The following COL4A6 variants were observed in gnomAD, a reference collection of about 807,000 sequenced individuals.
COL4A6 encodes collagen type IV alpha 6 chain, also known as collagen alpha-6(IV) chain.
A neutral mutation model predicts 126.7 loss-of-function variants in COL4A6; 59 were observed. The observed-to-expected ratio is 0.47, with a 90% confidence interval of 0.38 to 0.58. The LOEUF is 0.58. Ranked by LOEUF, COL4A6 falls within the 20% of genes least tolerant of loss-of-function variation. The probability of loss-of-function intolerance (pLI) is 0.00; values close to 1 mark genes in which losing one functional copy is unlikely to be tolerated. For synonymous variants in COL4A6, 547 were observed against 496.6 expected (o/e 1.10, Z -1.35); for missense variants, 1,285 against 1,337.3 (o/e 0.96, Z 0.61).
At chrX:108,387,246 G>A (rs901631991) in intron 2 of COL4A6, among the ~76,000 whole-genome samples, 16 of 111,911 alleles carry the variant, frequency 1.4e-4, no homozygotes, top group Non-Finnish European at 2.1e-4. Flanking sequence ...TTCCAATTCC[G>A]TGAAGAAAGT....
chrX:108,402,604 AT>A lies in COL4A6; in HGVS notation c.63+35337del, dbSNP rs1397904847. 2.7e-5 allele frequency among the ~76,000 whole-genome samples: 3 copies of A among 111,065 alleles called. No individual in the cohort carries two copies. In the Admixed American group the frequency reaches 2.9e-4, roughly 11 times the overall value. ...AATTTTTAGTCTTCATTTTCTTATT[AT>A]AAGAATTGAATAACATACATTTTTC... On this transcript the variant is annotated intron_variant, in intron 2 of 44. Coordinates refer to ENST00000334504, the MANE Select transcript of COL4A6 (RefSeq NM_033641.4).
rs190023848 is a variant in COL4A6, at chrX:108,403,622, G to A, written c.63+34320C>T. ...TGTTCAATTCTAGAAGTTCCATTTAGTTATTTTGCAGATTTCCCTAGTAAC... is the reference window on the plus strand; with the variant it reads ...TGTTCAATTCTAGAAGTTCCATTTAATTATTTTGCAGATTTCCCTAGTAAC... On this transcript the variant is annotated intron_variant, in intron 2 of 44. Transcript: ENST00000334504. 1.4e-3 allele frequency among the ~76,000 whole-genome samples: 154 copies of A among 110,905 alleles called. 1 individual carries two copies. In the East Asian group the frequency reaches 0.019, roughly 14 times the overall value.
intron 2 of COL4A6, among the ~76,000 whole-genome samples, chrX:108,342,727 C>A (rs1387091515): frequency 9.0e-6 from 1 of 111,597 alleles, no homozygotes; most frequent in Non-Finnish European, 1.9e-5. Flanking sequence ...TAGAGCCGAT[C>A]ACAGTGCTTG....
At chrX:108,189,381 C>G (rs995661413) in intron 20 of COL4A6, among the ~76,000 whole-genome samples, 4 of 112,086 alleles carry the variant, frequency 3.6e-5, no homozygotes, top group African/African-American at 1.3e-4. Flanking sequence ...CGATCAGTCT[C>G]AGGAGGCCAG....
chrX:108,308,467 A>G (rs1678474378), intron 3 of COL4A6, among the ~76,000 whole-genome samples: 1 of 112,306 alleles, frequency 8.9e-6, no homozygotes, highest in Non-Finnish European at 1.9e-5. Flanking sequence ...TCTCACTTGC[A>G]TCGATTTGGG....
intron 2 of COL4A6, among the ~76,000 whole-genome samples, chrX:108,365,710 G>T (rs888307111): frequency 4.5e-5 from 5 of 112,025 alleles, no homozygotes; most frequent in African/African-American, 1.3e-4. Context: ...TGGGGAATTT[G>T]TTAAAATGCA....
intron 3 of COL4A6, among the ~76,000 whole-genome samples, chrX:108,238,343 G>A (rs1224583057): frequency 2.7e-5 from 3 of 109,157 alleles, no homozygotes; most frequent in African/African-American, 1.0e-4. Flanking sequence ...TCCTGACCTC[G>A]TGATCCACCC....
chrX:108,279,166 C>A (rs984889005), intron 3 of COL4A6, among the ~76,000 whole-genome samples: 2 of 111,616 alleles, frequency 1.8e-5, no homozygotes, highest in African/African-American at 6.5e-5. Context: ...TGTAAATGAA[C>A]TAAATGCTCC....
chrX:108,344,836 C>A (rs1182700155), intron 2 of COL4A6, among the ~76,000 whole-genome samples: 1 of 111,780 alleles, frequency 8.9e-6, no homozygotes, highest in East Asian at 2.8e-4. Flanking sequence ...AAGACATTTA[C>A]AGGAAAGAAT....
At chrX:108,173,463 T>G (rs1019401102) in intron 31 of COL4A6, among the ~76,000 whole-genome samples, 1 of 56,928 alleles carries the variant, frequency 1.8e-5, no homozygotes, top group Non-Finnish European at 4.1e-5. Flanking sequence ...TTGCTTCAGG[T>G]GTGTGTGTGT....
At chrX:108,420,087 G>A (rs964679000) in intron 2 of COL4A6, among the ~76,000 whole-genome samples, 4 of 111,618 alleles carry the variant, frequency 3.6e-5, no homozygotes, top group Admixed American at 9.5e-5. Flanking sequence ...TGCATTAAGT[G>A]TGCAAGGGGG....
chrX:108,299,305 C>T (rs1486279259), intron 3 of COL4A6, among the ~76,000 whole-genome samples: 3 of 112,095 alleles, frequency 2.7e-5, no homozygotes, highest in Admixed American at 9.4e-5. Context: ...GGCTTCCTTT[C>T]CTCCCTGAGC....
Position 108,196,509 on chromosome X carries a change from A to G in COL4A6, c.903+2T>C. The G allele has an allele frequency of 8.3e-7, 1 of 1,206,657 alleles. No homozygotes were observed. The highest frequency in any genetic ancestry group is 1.1e-6 in the Non-Finnish European group (1 of 891,360). On this transcript the variant is annotated splice_donor_variant, in intron 14 of 44. Coordinates refer to ENST00000334504, the MANE Select transcript of COL4A6 (RefSeq NM_033641.4). LOFTEE classifies it high-confidence loss of function. ...CAGGCAAGTAACATTCGAGGTTCAT[A>G]CCCTAGGTCCTGGCAAACCAGGGAT...
At chrX:108,258,939 T>C (rs2037081401) in intron 3 of COL4A6, among the ~76,000 whole-genome samples, 1 of 110,577 alleles carries the variant, frequency 9.0e-6, no homozygotes, top group Admixed American at 9.6e-5. Flanking sequence ...CTATTGAAAC[T>C]GTGATGGCTA....
At chrX:108,431,503 G>A (rs970030539) in intron 2 of COL4A6, among the ~76,000 whole-genome samples, 2 of 111,904 alleles carry the variant, frequency 1.8e-5, no homozygotes, top group Non-Finnish European at 3.8e-5. Context: ...GGATGGTTGT[G>A]CCATGTTAGT....
intron 2 of COL4A6, among the ~76,000 whole-genome samples, chrX:108,327,369 C>T (rs1315600057): frequency 9.5e-6 from 1 of 105,387 alleles, no homozygotes; most frequent in Non-Finnish European, 2.0e-5. Context: ...AAAACCAGTC[C>T]CTGGTGCCCA....
At chrX:108,377,613 T>C (rs1328113566) in intron 2 of COL4A6, among the ~76,000 whole-genome samples, 1 of 105,143 alleles carries the variant, frequency 9.5e-6, no homozygotes, top group Non-Finnish European at 1.9e-5. Context: ...TTAATAATAG[T>C]TAAGGGGAGG....
chrX:108,360,747 A>C (rs1312035766), intron 2 of COL4A6, among the ~76,000 whole-genome samples: 1 of 110,189 alleles, frequency 9.1e-6, no homozygotes, highest in African/African-American at 3.3e-5. Flanking sequence ...TATGTTGGCC[A>C]AGCTGGTCTC....
intron 2 of COL4A6, among the ~76,000 whole-genome samples, chrX:108,328,310 T>C (rs1291177622): frequency 9.3e-6 from 1 of 107,110 alleles, no homozygotes; most frequent in Non-Finnish European, 1.9e-5. Flanking sequence ...ACATCAATAA[T>C]GATGGAAGAA....
Sources: gnomAD v4.1 joint callset for allele counts (sites outside exome capture counted in the v4.1 genomes callset) on GRCh38, gnomAD v4.1.1 for gene constraint, MANE v1.5 for transcripts, NCBI Gene and HGNC (gene_info 2026-07-23, HGNC 2026-07-21) for gene names.